TMOD3: variants seen among roughly 807,000 people sequenced by gnomAD.
TMOD3 encodes the protein tropomodulin 3, also known as tropomodulin-3.
A neutral mutation model predicts 39.2 loss-of-function variants in TMOD3; 20 were observed. The ratio of observed to expected loss-of-function variants is 0.51; its 90% confidence interval spans 0.36 to 0.74. The LOEUF (loss-of-function observed/expected upper bound fraction) is 0.74. TMOD3 is among the 30% of genes least tolerant of loss of function. TMOD3 has a pLI of 0.00. For missense variants in TMOD3, 381 were observed against 412.8 expected, an observed-to-expected ratio of 0.92 and a Z score of 0.67; for synonymous variants, 143 against 145.8, an observed-to-expected ratio of 0.98 and a Z score of 0.14.
In TMOD3 at chr15:51,844,240, T is replaced by A. The variant is rs888008564; in HGVS notation, c.-75+14404T>A. On this transcript the variant is annotated intron_variant, in intron 1 of 9. Coordinates refer to ENST00000308580, the MANE Select transcript of TMOD3 (RefSeq NM_014547.5). ...TCCTTCCAGAGTTATTCTCAAGCACTTATTTTTAAAAGTTGATTGTTTAGA... is the reference window on the plus strand; with the variant it reads ...TCCTTCCAGAGTTATTCTCAAGCACATATTTTTAAAAGTTGATTGTTTAGA... Among the ~76,000 whole-genome samples, 61 of 152,328 alleles carry A rather than the reference T, an allele frequency of 4.0e-4. 1 individual carries two copies. The highest frequency in any genetic ancestry group is 1.4e-3 in the African/African-American group (57 of 41,566).
chr15:51,837,889 C>T (rs768916397), intron 1 of TMOD3, among the ~76,000 whole-genome samples: 5 of 152,166 alleles, frequency 3.3e-5, no homozygotes, highest in Non-Finnish European at 7.4e-5. Flanking sequence ...GAAACTGTTT[C>T]CTCTTTTCTT....
At chr15:51,868,840 C>T (rs1742395971) in intron 2 of TMOD3, among the ~76,000 whole-genome samples, 1 of 152,138 alleles carries the variant, frequency 6.6e-6, no homozygotes, top group South Asian at 2.1e-4. Context: ...GGCGTGGTGG[C>T]AGGCGCCTGT....
chr15:51,895,216 C>CTTTTT (rs974778013), intron 6 of TMOD3, among the ~76,000 whole-genome samples: 1 of 138,144 alleles, frequency 7.2e-6, no homozygotes, highest in Non-Finnish European at 1.6e-5. Context: ...TGATTACTAA[C>CTTTTT]TTTTTTTTTT....
At chr15:51,880,989 T>C (rs571206953) in intron 3 of TMOD3, among the ~76,000 whole-genome samples, 1 of 152,332 alleles carries the variant, frequency 6.6e-6, no homozygotes, top group South Asian at 2.1e-4. Flanking sequence ...CTTGTCTGTT[T>C]TATTGTAGCC....
chr15:51,881,421 C>T (rs1371480314), intron 3 of TMOD3, among the ~76,000 whole-genome samples: 4 of 151,964 alleles, frequency 2.6e-5, no homozygotes, highest in Non-Finnish European at 5.9e-5. Flanking sequence ...GTATAATTTG[C>T]CCCACAAAAG....
chr15:51,857,651 T>G (rs1236627099), intron 1 of TMOD3, among the ~76,000 whole-genome samples: 2 of 152,164 alleles, frequency 1.3e-5, no homozygotes, highest in Non-Finnish European at 2.9e-5. Context: ...ATAATTAAAC[T>G]TATATCTATG....
intron 3 of TMOD3, among the ~76,000 whole-genome samples, chr15:51,880,675 A>G (rs935434720): frequency 8.5e-5 from 13 of 152,060 alleles, no homozygotes; most frequent in Admixed American, 3.9e-4. Flanking sequence ...ATTCTTTTTT[A>G]TGGCTGAATA....
At chr15:51,882,950 T>A (rs117223578) in intron 3 of TMOD3, among the ~76,000 whole-genome samples, 2,876 of 152,320 alleles carry the variant, frequency 0.019, 24 homozygotes, top group Middle Eastern at 0.024. Flanking sequence ...ACAAAATTAA[T>A]TTCTTTACTT....
chr15:51,854,274 A>G (rs969960288), intron 1 of TMOD3, among the ~76,000 whole-genome samples: 4 of 152,258 alleles, frequency 2.6e-5, no homozygotes, highest in African/African-American at 9.6e-5. Flanking sequence ...TAGGCAATAC[A>G]TAAATGAATG....
chr15:51,861,549 G>C (rs556215255), intron 1 of TMOD3, among the ~76,000 whole-genome samples: 35 of 130,474 alleles, frequency 2.7e-4, no homozygotes, highest in Non-Finnish European at 6.0e-4. Flanking sequence ...TGAGGGAAGG[G>C]GTAGTAAAGG....
rs149614651 is a variant in TMOD3, at chr15:51,865,100, C to T, written c.126+2090C>T. ...CTTCTGGGCTCAAGCGATCCTCCCA[C>T]CTCAGCCTCCTATGTAGCTAGGACT... On this transcript the variant is annotated intron_variant, in intron 2 of 9. Transcript: ENST00000308580. Among the ~76,000 whole-genome samples, 573 of 152,202 alleles carry T rather than the reference C, an allele frequency of 3.8e-3. 4 individuals are homozygous for T. Among genetic ancestry groups the T allele is most frequent in the African/African-American group, 0.013 (551 of 41,504 alleles).
intron 1 of TMOD3, among the ~76,000 whole-genome samples, chr15:51,843,916 T>G (rs2141671233): frequency 6.6e-6 from 1 of 152,016 alleles, no homozygotes; most frequent in African/African-American, 2.4e-5. Context: ...AATAGCATTC[T>G]GAAATTCTAA....
intron 3 of TMOD3, among the ~76,000 whole-genome samples, chr15:51,879,643 T>C (rs1801895270): frequency 6.6e-6 from 1 of 151,990 alleles, no homozygotes; most frequent in Non-Finnish European, 1.5e-5. Context: ...CATCTTCATC[T>C]TTTAGGGACT....
intron 3 of TMOD3, among the ~76,000 whole-genome samples, chr15:51,879,856 T>TCTCACACA (rs1555387131): frequency 4.1e-4 from 58 of 142,658 alleles, no homozygotes; most frequent in African/African-American, 1.5e-3. Context: ...TCTCTGTCTT[T>TCTCACACA]CACACACACA....
intron 2 of TMOD3, among the ~76,000 whole-genome samples, chr15:51,867,373 G>A (rs1042959473): frequency 2.0e-5 from 3 of 152,150 alleles, no homozygotes; most frequent in Non-Finnish European, 4.4e-5. Flanking sequence ...AAGTCTAAAG[G>A]TAGAAATCTT....
At chr15:51,898,347 T>C (rs181382002) in intron 7 of TMOD3, among the ~76,000 whole-genome samples, 69 of 152,346 alleles carry the variant, frequency 4.5e-4, no homozygotes, top group African/African-American at 1.6e-3. Context: ...TAGTTGAGGC[T>C]TTTCCTGACC....
At chr15:51,905,290 G>A (rs773091239) in intron 9 of TMOD3, among the ~76,000 whole-genome samples, 2 of 152,194 alleles carry the variant, frequency 1.3e-5, no homozygotes, top group African/African-American at 4.8e-5. Flanking sequence ...CTGAGGTCAG[G>A]AGTTTGAGAC....
At chr15:51,838,119 C>T (rs897454564) in intron 1 of TMOD3, among the ~76,000 whole-genome samples, 1 of 152,188 alleles carries the variant, frequency 6.6e-6, no homozygotes, top group African/African-American at 2.4e-5. Context: ...GCTCCTTTCC[C>T]TTTACTTTTC....
intron 2 of TMOD3, among the ~76,000 whole-genome samples, chr15:51,868,593 A>G (rs1046383887): frequency 6.6e-6 from 1 of 152,224 alleles, no homozygotes; most frequent in Non-Finnish European, 1.5e-5. Flanking sequence ...TGTGGTTAAT[A>G]AAACTTTTTT....
Sources: allele counts gnomAD v4.1 joint callset (sites outside exome capture counted in the v4.1 genomes callset), GRCh38; gene constraint gnomAD v4.1.1; transcripts MANE v1.5; gene names NCBI Gene and HGNC (gene_info 2026-07-23, HGNC 2026-07-21).